The following PRKCH variants were observed in gnomAD, a reference collection of about 807,000 sequenced individuals.
The protein encoded by PRKCH is protein kinase C eta, also known as protein kinase C eta type.
PRKCH carries 28 observed loss-of-function variants against 82.5 expected under a neutral mutation model. The observed-to-expected ratio is 0.34, with a 90% CI of 0.25 to 0.47. PRKCH has a LOEUF of 0.47. PRKCH is among the 20% of genes least tolerant of loss of function. The probability of loss-of-function intolerance (pLI) is 1.00; values close to 1 mark genes in which losing one functional copy is unlikely to be tolerated. For synonymous variants in PRKCH, 322 were observed against 327.4 expected (o/e 0.98, Z 0.18); for missense variants, 705 against 881.8 (o/e 0.80, Z 2.54).
At chr14:61,445,837 T>C (rs1205779533) in intron 4 of PRKCH, 111 bp downstream of exon 4, 34 of 1,178,788 alleles carry the variant, frequency 2.9e-5, no homozygotes, top group Non-Finnish European at 4.3e-5. Flanking sequence ...AATAACTCTC[T>C]GTAGGTCAAA....
intron 2 of PRKCH, among the ~76,000 whole-genome samples, chr14:61,400,543 G>A (rs780499529): frequency 6.6e-5 from 10 of 152,246 alleles, no homozygotes; most frequent in South Asian, 2.1e-4. Context: ...GGAAACGGGC[G>A]AATGATGTTT....
chr14:61,372,724 T>C (rs1236153790), intron 1 of PRKCH, among the ~76,000 whole-genome samples: 1 of 152,100 alleles, frequency 6.6e-6, no homozygotes, highest in Non-Finnish European at 1.5e-5. Flanking sequence ...TGCATTTTGA[T>C]ACAGTTGATT....
Position 61,280,962 on chromosome 14 carries a change from C to T in PRKCH, c.-19+93294C>T. 5 of 1,542,770 alleles carry T rather than the reference C, an allele frequency of 3.2e-6. No homozygotes were observed. Among genetic ancestry groups the T allele is most frequent in the Non-Finnish European group, 4.4e-6 (5 of 1,147,248 alleles). On this transcript the variant is annotated intron_variant, in intron 1 of 3. Coordinates refer to the PRKCH transcript ENST00000555185. This position sits in a 1 kb window ranked among gnomAD's most constrained non-coding sequence, Gnocchi z 5.0. ...GGTCGCCTGTATAGTCGTACTCCAG[C>T]TCCTTGATGCCGTTGGAGGAGTAGT...
chr14:61,339,581 C>T (rs2045904779), intron 1 of PRKCH, among the ~76,000 whole-genome samples: 1 of 149,506 alleles, frequency 6.7e-6, no homozygotes, highest in African/African-American at 2.5e-5. Flanking sequence ...CCTCGGCCTC[C>T]CAAAGTGCTG....
intron 1 of PRKCH, among the ~76,000 whole-genome samples, chr14:61,381,320 A>G (rs2046506646): frequency 6.6e-6 from 1 of 152,230 alleles, no homozygotes; most frequent in Admixed American, 6.5e-5. Flanking sequence ...AAGTAATGAC[A>G]GTGTTTTCCT....
intron 1 of PRKCH, among the ~76,000 whole-genome samples, chr14:61,282,204 C>T (rs1350391666): frequency 4.6e-5 from 7 of 150,670 alleles, no homozygotes; most frequent in Admixed American, 2.6e-4. Context: ...AAGTAAACTA[C>T]AAGGATTTAT....
intron 10 of PRKCH, among the ~76,000 whole-genome samples, chr14:61,524,175 A>T (rs77080813): frequency 0.013 from 1,908 of 152,324 alleles, 40 homozygotes; most frequent in African/African-American, 0.043. Context: ...ACTCATGTCA[A>T]TCTGTTTTAT....
At chr14:61,407,998 C>T (rs190891115) in intron 2 of PRKCH, among the ~76,000 whole-genome samples, 73 of 152,318 alleles carry the variant, frequency 4.8e-4, no homozygotes, top group African/African-American at 1.7e-3. Context: ...CACCTCTATG[C>T]CTCCTTCTCT....
chr14:61,232,297 C>G (rs2044751073), intron 1 of PRKCH, among the ~76,000 whole-genome samples: 1 of 152,264 alleles, frequency 6.6e-6, no homozygotes, highest in Non-Finnish European at 1.5e-5. Context: ...ATGATCTCGG[C>G]TCACTGCAAC....
At position 61,437,997 on chromosome 14, in the gene PRKCH, C is replaced by T. The variant is rs575345448; in HGVS notation, c.428-5114C>T. Among the ~76,000 whole-genome samples, 109 of 152,230 alleles carry T rather than the reference C, an allele frequency of 7.2e-4. 1 individual carries two copies. The highest frequency in any genetic ancestry group is 2.6e-3 in the African/African-American group (106 of 41,522). On this transcript the variant is annotated intron_variant, in intron 2 of 13. Coordinates refer to ENST00000332981, the MANE Select transcript of PRKCH (RefSeq NM_006255.5). ...TGTGAAGTAAGGGTTTTCACAGTTA[C>T]ACTAGGTAAGTTACTACCTGTCGGG...
At chr14:61,423,441 G>A (rs148338788) in intron 2 of PRKCH, among the ~76,000 whole-genome samples, 13 of 152,316 alleles carry the variant, frequency 8.5e-5, no homozygotes, top group Middle Eastern at 3.4e-3. Flanking sequence ...CTGGAGTACC[G>A]TGCACAGAAG....
intron 1 of PRKCH, among the ~76,000 whole-genome samples, chr14:61,312,202 G>A (rs1433578300): frequency 1.3e-5 from 2 of 152,148 alleles, no homozygotes; most frequent in Non-Finnish European, 2.9e-5. Flanking sequence ...CCAGCATTTT[G>A]AATAAACATT....
chr14:61,444,591 C>T (rs532734997), intron 3 of PRKCH, among the ~76,000 whole-genome samples: 3 of 152,208 alleles, frequency 2.0e-5, no homozygotes, highest in South Asian at 2.1e-4. Context: ...ACGCTCCCCC[C>T]CTCCACACCC....
At chr14:61,501,293 T>A (rs983320172) in intron 10 of PRKCH, among the ~76,000 whole-genome samples, 1 of 152,136 alleles carries the variant, frequency 6.6e-6, no homozygotes, top group African/African-American at 2.4e-5. Flanking sequence ...AAGGAAATTG[T>A]TGAATAAATT....
At chr14:61,248,560 G>A (rs1019972293) in intron 1 of PRKCH, among the ~76,000 whole-genome samples, 1 of 152,122 alleles carries the variant, frequency 6.6e-6, no homozygotes, top group Non-Finnish European at 1.5e-5. Context: ...AACAAGGAAA[G>A]CTTATGTGGT....
intron 1 of PRKCH, among the ~76,000 whole-genome samples, chr14:61,201,488 A>G (rs2044481112): frequency 1.3e-5 from 2 of 152,184 alleles, no homozygotes; most frequent in Admixed American, 1.3e-4. Context: ...TTTTTTAAAG[A>G]ATTATTCTAT....
At chr14:61,244,222 T>A (rs17806393) in intron 1 of PRKCH, among the ~76,000 whole-genome samples, 7,026 of 152,208 alleles carry the variant, frequency 0.046, 233 homozygotes, top group Middle Eastern at 0.095. Context: ...CCAGACCAGC[T>A]GCGGTCAAAA....
At chr14:61,422,295 G>T (rs1012139668) in intron 2 of PRKCH, among the ~76,000 whole-genome samples, 5 of 152,232 alleles carry the variant, frequency 3.3e-5, no homozygotes, top group African/African-American at 1.2e-4. Context: ...ATGTTGCCCA[G>T]GCTGGCCTCA....
intron 2 of PRKCH, among the ~76,000 whole-genome samples, chr14:61,437,988 T>C (rs1399175616): frequency 6.6e-6 from 1 of 152,166 alleles, no homozygotes; most frequent in Non-Finnish European, 1.5e-5. Context: ...GTAAGGGTTT[T>C]CACAGTTACA....
Sources: allele counts gnomAD v4.1 joint callset (sites outside exome capture counted in the v4.1 genomes callset), GRCh38; gene constraint gnomAD v4.1.1; non-coding constraint Gnocchi (gnomAD v3.1); transcripts MANE v1.5; gene names NCBI Gene and HGNC (gene_info 2026-07-23, HGNC 2026-07-21).